The following IKBKB variants were observed in gnomAD, a reference collection of about 807,000 sequenced individuals.
IKBKB encodes the protein inhibitor of nuclear factor kappa-B kinase subunit beta.
Under a neutral mutation model 113.6 loss-of-function variants are expected in IKBKB, and 42 were observed. The ratio of observed to expected loss-of-function variants is 0.37; its 90% confidence interval spans 0.29 to 0.48. IKBKB has a LOEUF of 0.48. IKBKB is among the 20% of genes least tolerant of loss of function. The pLI, the probability that IKBKB is intolerant of heterozygous loss-of-function variation, is 0.99. For synonymous variants in IKBKB, 296 were observed against 361.3 expected, an observed-to-expected ratio of 0.82 and a Z score of 2.05; for missense variants, 673 against 939.7, an observed-to-expected ratio of 0.72 and a Z score of 3.71.
chr8:42,298,718 G>A (rs968444920), intron 5 of IKBKB, among the ~76,000 whole-genome samples: 2 of 152,160 alleles, frequency 1.3e-5, no homozygotes, highest in African/African-American at 2.4e-5. Flanking sequence ...TGTCATGGCC[G>A]CAGCGTCCCC....
At chr8:42,273,510 T>A (rs1808269286) in intron 2 of IKBKB, among the ~76,000 whole-genome samples, 1 of 151,838 alleles carries the variant, frequency 6.6e-6, no homozygotes, top group South Asian at 2.1e-4. Context: ...AATAAGCAGA[T>A]CCACATGAAA....
chr8:42,317,313 C>T, intron 11 of IKBKB: 2 of 420,972 alleles, frequency 4.8e-6, no homozygotes, highest in Non-Finnish European at 4.4e-6. Context: ...TTAACTATAG[C>T]TGTGTAAGAC....
intron 5 of IKBKB, among the ~76,000 whole-genome samples, chr8:42,297,183 G>T (rs769587511): frequency 6.6e-6 from 1 of 152,166 alleles, no homozygotes; most frequent in Non-Finnish European, 1.5e-5. Context: ...TGATGAGCTC[G>T]TATTTTACTT....
Position 42,274,149 on chromosome 8 carries a change from G to A in IKBKB, c.105+1944G>A, listed in dbSNP as rs550900653. 2.6e-5 allele frequency among the ~76,000 whole-genome samples: 4 copies of A among 151,916 alleles called. No individual in the cohort carries two copies. The East Asian group carries it at 7.8e-4, about 30-fold the overall frequency. Reference sequence around the variant, plus strand: ...GAGTTCAAGTGATTCTCCTGCCTCAGCCTCCTGAGTACCTGGAATTACAGG... The same window carrying A: ...GAGTTCAAGTGATTCTCCTGCCTCAACCTCCTGAGTACCTGGAATTACAGG... On this transcript the variant is annotated intron_variant, in intron 2 of 21. Transcript: ENST00000520810.
rs147047563 is a variant in IKBKB at position 42,276,605 on chromosome 8, G to A, written c.105+4400G>A. On this transcript the variant is annotated intron_variant, in intron 2 of 21. Transcript: ENST00000520810. ...CTGTGCAGAAGCTTTTTAGTTTGAT[G>A]TAATCTCATTTGTCTACTTTTGCCT... Among the ~76,000 whole-genome samples the A allele has an allele frequency of 5.5e-4, 83 of 151,846 alleles. 1 individual carries two copies. Among genetic ancestry groups the A allele is most frequent in the East Asian group, 4.4e-3 (23 of 5,174 alleles).
chr8:42,290,359 T>C (rs1288208070), intron 4 of IKBKB, 86 bp downstream of exon 4: 1 of 885,596 alleles, frequency 1.1e-6, no homozygotes, highest in East Asian at 2.4e-5. Flanking sequence ...TTCACTTCTG[T>C]CATCATCAGG....
chr8:42,310,891 G>T (rs768876407), intron 8 of IKBKB, among the ~76,000 whole-genome samples: 1 of 152,122 alleles, frequency 6.6e-6, no homozygotes, highest in Non-Finnish European at 1.5e-5. Flanking sequence ...TTATTTCACT[G>T]AATGGCTGTG....
intron 15 of IKBKB, chr8:42,319,914 A>AAGCC (rs1819448627): frequency 2.5e-6 from 1 of 396,234 alleles, no homozygotes; most frequent in South Asian, 6.7e-5. Context: ...CCTTGGGGAA[A>AAGCC]AGCCAAGACC....
intron 2 of IKBKB, among the ~76,000 whole-genome samples, chr8:42,287,009 TG>T (rs967711451): frequency 5.9e-5 from 9 of 152,208 alleles, no homozygotes. Flanking sequence ...GCTCTCAGGC[TG>T]GGGCTCCGGG....
intron 2 of IKBKB, among the ~76,000 whole-genome samples, chr8:42,276,325 G>A (rs1458815575): frequency 2.0e-5 from 3 of 152,094 alleles, no homozygotes; most frequent in Non-Finnish European, 4.4e-5. Context: ...GTTTTGATTT[G>A]CATTTGTCTG....
At chr8:42,329,873 G>T in intron 21 of IKBKB, 2 of 985,342 alleles carry the variant, frequency 2.0e-6, no homozygotes, top group Non-Finnish European at 2.4e-6. Flanking sequence ...ATCTTTACAT[G>T]GCCTTTACCT....
At chr8:42,312,469 C>T (rs1817898736) in intron 8 of IKBKB, among the ~76,000 whole-genome samples, 3 of 152,086 alleles carry the variant, frequency 2.0e-5, no homozygotes, top group African/African-American at 7.2e-5. Flanking sequence ...GTTTTTAATG[C>T]TTTGGGAAAC....
chr8:42,277,063 G>A (rs1346848388), intron 2 of IKBKB, among the ~76,000 whole-genome samples: 1 of 151,480 alleles, frequency 6.6e-6, no homozygotes, highest in African/African-American at 2.4e-5. Flanking sequence ...GTAGAGATGG[G>A]GTTTCACTGT....
rs1821706471 is a variant in IKBKB at position 42,331,699 on chromosome 8, A to T, written c.*720A>T. ...TTTCTGCCAAGAGCGACTCATAGTA[A>T]CCAGGATGGGAGAGCAGCTGCCTTA... On this transcript the variant is annotated 3_prime_UTR_variant, in exon 22 of 22. Transcript: ENST00000520810. 1.1e-5 allele frequency: 5 copies of T among 451,630 alleles called. No individual in the cohort carries two copies. In the South Asian group the frequency reaches 1.1e-4, roughly 10 times the overall value. The allele number at this position is 451,630 out of a possible 1,614,324, so 28.0% of individuals were successfully genotyped here.
In IKBKB at chr8:42,317,785, A is replaced by C. The variant is rs2294100; in HGVS notation, c.1240+14A>C. 6.4e-7 allele frequency: 1 copy of C among 1,569,194 alleles called. No individual in the cohort carries two copies. Among genetic ancestry groups the C allele is most frequent in the Non-Finnish European group, 8.8e-7 (1 of 1,139,386 alleles). ...TCAGCTGTATCCGTAAGAATTTGTT[A>C]TGTTTTGTTTTTCTAAATAATCCGT... On this transcript the variant is annotated intron_variant, in intron 12 of 21. Transcript: ENST00000520810.
At chr8:42,296,057 G>T (rs1813722150) in intron 5 of IKBKB, among the ~76,000 whole-genome samples, 1 of 152,210 alleles carries the variant, frequency 6.6e-6, no homozygotes, top group South Asian at 2.1e-4. Context: ...TTCTCTGTCT[G>T]TCTTCTCTGT....
intron 16 of IKBKB, 62 bp downstream of exon 16, chr8:42,320,906 T>G: frequency 1.8e-6 from 2 of 1,104,758 alleles, no homozygotes; most frequent in South Asian, 3.0e-5. Flanking sequence ...GGAGCTTCGG[T>G]GTGTGTGTCA....
chr8:42,284,821 T>C (rs1309807687), intron 2 of IKBKB, among the ~76,000 whole-genome samples: 1 of 150,680 alleles, frequency 6.6e-6, no homozygotes, highest in African/African-American at 2.4e-5. Context: ...AGGTGTAACA[T>C]GGTCTGCACA....
In IKBKB at chr8:42,316,554, TA is replaced by T. The variant is rs1250632688; in HGVS notation, c.931-155del. On this transcript the variant is annotated intron_variant, in intron 10 of 21. Coordinates refer to ENST00000520810, the MANE Select transcript of IKBKB (RefSeq NM_001556.3). The surrounding 1 kb of genome is among the most constrained non-coding windows in gnomAD (Gnocchi z 4.5). ...CAGACAGGATTATGAAAGATGCAAA[TA>T]TGCGAAACATGGCACATGACCTCCC... 1.3e-5 allele frequency among the ~76,000 whole-genome samples: 2 copies of T among 152,192 alleles called. No individual in the cohort carries two copies. Among genetic ancestry groups the T allele is most frequent in the Non-Finnish European group, 2.9e-5 (2 of 68,036 alleles).
Sources: gnomAD v4.1 joint callset for allele counts (sites outside exome capture counted in the v4.1 genomes callset) on GRCh38, gnomAD v4.1.1 for gene constraint, Gnocchi (gnomAD v3.1) non-coding constraint, MANE v1.5 for transcripts, NCBI Gene and HGNC (gene_info 2026-07-23, HGNC 2026-07-21) for gene names.